CNTNAP5: variants seen among roughly 807,000 people sequenced by gnomAD.
The protein encoded by CNTNAP5 is contactin associated protein family member 5.
CNTNAP5 carries 72 observed loss-of-function variants against 150.2 expected under a neutral mutation model. That is an observed-to-expected ratio of 0.48 (90% CI 0.40 to 0.58). CNTNAP5 has a LOEUF of 0.58. Among genes scored for constraint, CNTNAP5 ranks in the 20% least tolerant of loss-of-function variants. The pLI is 0.00. For missense variants in CNTNAP5, 1,636 were observed against 1,626.2 expected, an observed-to-expected ratio of 1.01 and a Z score of -0.10; for synonymous variants, 672 against 619.8, an observed-to-expected ratio of 1.08 and a Z score of -1.25.
intron 13 of CNTNAP5, among the ~76,000 whole-genome samples, chr2:124,709,228 T>TGTGC (rs1553433949): frequency 6.8e-6 from 1 of 146,538 alleles, no homozygotes; most frequent in African/African-American, 2.7e-5. Flanking sequence ...TGTGTGTGTG[T>TGTGC]GTGCGTGTGT....
intron 1 of CNTNAP5, among the ~76,000 whole-genome samples, chr2:124,068,431 A>C (rs1465895348): frequency 6.6e-6 from 1 of 152,104 alleles, no homozygotes; most frequent in Non-Finnish European, 1.5e-5. Flanking sequence ...GAGGAGAATT[A>C]CTCAGCCCTG....
intron 1 of CNTNAP5, among the ~76,000 whole-genome samples, chr2:124,174,096 G>A (rs1366692200): frequency 1.5e-5 from 2 of 130,438 alleles, no homozygotes; most frequent in Non-Finnish European, 3.2e-5. Flanking sequence ...CCACTGTTGA[G>A]ATTTACTGCT....
At position 124,821,445 on chromosome 2, in the gene CNTNAP5, T is replaced by C. The variant is rs560153845; in HGVS notation, c.3217+23125T>C. ...TGGAACTCACTTTCAGAATTTCTGA[T>C]TTGTTATGTCTGGCATAGGGCTTTT... On this transcript the variant is annotated intron_variant, in intron 19 of 23. Coordinates refer to ENST00000682447, the MANE Select transcript of CNTNAP5 (RefSeq NM_001367498.1). Among the ~76,000 whole-genome samples, 237 of 152,294 alleles carry C rather than the reference T, an allele frequency of 1.6e-3. 1 individual carries two copies. The highest frequency in any genetic ancestry group is 5.4e-3 in the African/African-American group (225 of 41,574).
rs369538152 is a variant in CNTNAP5, at chr2:124,436,031, C to G, written c.733+1344C>G. Among the ~76,000 whole-genome samples the G allele has an allele frequency of 2.6e-5, 4 of 152,104 alleles. No individual in the cohort carries two copies. In the East Asian group the frequency reaches 5.8e-4, roughly 22 times the overall value. On this transcript the variant is annotated intron_variant, in intron 5 of 23. Coordinates refer to ENST00000682447, the MANE Select transcript of CNTNAP5 (RefSeq NM_001367498.1). ...TCAGAGCTTTCTGAATGTTGGGCGT[C>G]CAAATACTACACAAACATGCATCAA...
At chr2:124,071,007 T>C (rs1029388173) in intron 1 of CNTNAP5, among the ~76,000 whole-genome samples, 1 of 151,886 alleles carries the variant, frequency 6.6e-6, no homozygotes, top group Non-Finnish European at 1.5e-5. Flanking sequence ...TATTTTCTGA[T>C]GGACTAAAAG....
In CNTNAP5 at chr2:124,917,578, T is replaced by G. The variant is rs763488894; in HGVS notation, c.*3290T>G. On this transcript the variant is annotated 3_prime_UTR_variant, in exon 24 of 24. Coordinates refer to ENST00000682447, the MANE Select transcript of CNTNAP5 (RefSeq NM_001367498.1). ...ATGTTTTAAAACAACTTTTTTCCTC[T>G]CCTTAGTAATAACAGAGATGGTATT... 3.9e-5 allele frequency among the ~76,000 whole-genome samples: 6 copies of G among 152,112 alleles called. No homozygotes were observed. Among genetic ancestry groups the G allele is most frequent in the Non-Finnish European group, 8.8e-5 (6 of 68,004 alleles).
chr2:124,341,268 G>T (rs1689607423), intron 3 of CNTNAP5, among the ~76,000 whole-genome samples: 1 of 152,128 alleles, frequency 6.6e-6, no homozygotes. Context: ...CCCTCCCTGA[G>T]TTGGGTGGAG....
At chr2:124,847,515 G>T (rs1234367650) in intron 19 of CNTNAP5, among the ~76,000 whole-genome samples, 1 of 152,150 alleles carries the variant, frequency 6.6e-6, no homozygotes, top group Non-Finnish European at 1.5e-5. Context: ...AGAGACCAGG[G>T]CTGAGAACTT....
chr2:124,868,896 G>C (rs1246404368), intron 20 of CNTNAP5, among the ~76,000 whole-genome samples: 3 of 152,124 alleles, frequency 2.0e-5, no homozygotes, highest in African/African-American at 7.2e-5. Context: ...AGTCAGAGTA[G>C]AGCCTGGAAG....
chr2:124,580,470 A>C (rs886639543), intron 11 of CNTNAP5, among the ~76,000 whole-genome samples: 3 of 152,208 alleles, frequency 2.0e-5, no homozygotes, highest in Non-Finnish European at 4.4e-5. Context: ...CTTTCTGTCC[A>C]CATATTTTCT....
In CNTNAP5 at chr2:124,863,047, G is replaced by A. The variant is rs1195452845; in HGVS notation, c.3218-2259G>A. On this transcript the variant is annotated intron_variant, in intron 19 of 23. Coordinates refer to ENST00000682447, the MANE Select transcript of CNTNAP5 (RefSeq NM_001367498.1). ...GGTCCTAAGAGGAATGGTGGCAAGA[G>A]GGATGCCAGCAAACATGTATAAAAT... Among the ~76,000 whole-genome samples, 5 of 152,264 alleles carry A rather than the reference G, an allele frequency of 3.3e-5. No individual in the cohort carries two copies. The East Asian group carries it at 9.7e-4, about 29-fold the overall frequency.
intron 22 of CNTNAP5, among the ~76,000 whole-genome samples, chr2:124,908,569 A>G (rs1014211712): frequency 3.3e-5 from 5 of 152,122 alleles, no homozygotes; most frequent in Admixed American, 6.6e-5. Flanking sequence ...TGTAGCAATC[A>G]TAAGGTCCTA....
chr2:124,571,701 T>C (rs1433158493), intron 11 of CNTNAP5, among the ~76,000 whole-genome samples: 3 of 151,282 alleles, frequency 2.0e-5, no homozygotes, highest in Non-Finnish European at 4.4e-5. Flanking sequence ...CAAGCTAATT[T>C]TTGTATTTTT....
chr2:124,350,631 A>AT (rs11378065), intron 3 of CNTNAP5, among the ~76,000 whole-genome samples: 45,589 of 151,204 alleles, frequency 0.3, 6,918 homozygotes, highest in Middle Eastern at 0.36. Flanking sequence ...TGACTTGAGG[A>AT]TTTTTTTTTA....
chr2:124,398,055 T>G (rs181414959), intron 3 of CNTNAP5, among the ~76,000 whole-genome samples: 1 of 152,352 alleles, frequency 6.6e-6, no homozygotes, highest in African/African-American at 2.4e-5. Flanking sequence ...GTCCTCTCCT[T>G]TCTTTGCACT....
At chr2:124,194,366 CATATAT>C (rs1189694569) in intron 1 of CNTNAP5, among the ~76,000 whole-genome samples, 21 of 101,218 alleles carry the variant, frequency 2.1e-4, no homozygotes, top group African/African-American at 7.0e-4. Flanking sequence ...TAAATTAGGT[CATATAT>C]ATATATATAT....
intron 3 of CNTNAP5, among the ~76,000 whole-genome samples, chr2:124,379,832 A>G (rs1690743843): frequency 6.6e-6 from 1 of 151,918 alleles, no homozygotes; most frequent in Non-Finnish European, 1.5e-5. Flanking sequence ...AGATGGTAGC[A>G]TAACCTATCT....
chr2:124,428,072 T>G (rs1692283188), intron 4 of CNTNAP5, among the ~76,000 whole-genome samples: 2 of 152,198 alleles, frequency 1.3e-5, no homozygotes, highest in Admixed American at 6.5e-5. Flanking sequence ...AGATCCTAGA[T>G]GGGACCCTGC....
At chr2:124,482,418 C>A (rs998906907) in intron 7 of CNTNAP5, among the ~76,000 whole-genome samples, 7 of 152,120 alleles carry the variant, frequency 4.6e-5, no homozygotes, top group Non-Finnish European at 8.8e-5. Flanking sequence ...CTTCTTCCTC[C>A]TCTTATGGAA....
Sources: gnomAD v4.1 joint callset for allele counts (sites outside exome capture counted in the v4.1 genomes callset) on GRCh38, gnomAD v4.1.1 for gene constraint, MANE v1.5 for transcripts, NCBI Gene and HGNC (gene_info 2026-07-23, HGNC 2026-07-21) for gene names.